The following PCDH12 variants were observed in gnomAD, a reference collection of about 807,000 sequenced individuals.
PCDH12 encodes the protein protocadherin-12.
In PCDH12, 45 loss-of-function variants were observed where a neutral mutation model predicts 70.9. That is an observed-to-expected ratio of 0.63 (90% confidence interval 0.50 to 0.81). PCDH12 has a LOEUF of 0.81. Among genes scored for constraint, PCDH12 ranks in the 40% least tolerant of loss-of-function variants. The pLI is 0.00. For missense variants in PCDH12, 1,370 were observed against 1,491.7 expected, an observed-to-expected ratio of 0.92 and a Z score of 1.34; for synonymous variants, 567 against 626.0, an observed-to-expected ratio of 0.91 and a Z score of 1.41.
In PCDH12 at chr5:141,951,519, C is replaced by T; in HGVS notation, c.2952G>A (p.Lys984=). ...FQPKPNHRGN[K]YLAKPGGSRS... is the part of the protein sequence containing the mutation. ...TGCTGCCTCCTGGCTTGGCCAAGTA[C>T]TTATTTCCTCGGTGGTTTGGTTTGG... Residue 984 remains lysine, a synonymous_variant, in exon 2 of 4, where the codon AAG becomes AAA. Coordinates refer to ENST00000231484, the MANE Select transcript of PCDH12 (RefSeq NM_016580.4). 1 of 1,614,178 alleles carries T rather than the reference C, an allele frequency of 6.2e-7. No individual in the cohort carries two copies. Among genetic ancestry groups the T allele is most frequent in the Non-Finnish European group, 8.5e-7 (1 of 1,180,036 alleles).
rs887426969 is a variant in PCDH12, at chr5:141,945,093, C to T, written c.*288G>A. On this transcript the variant is annotated 3_prime_UTR_variant, in exon 4 of 4. Coordinates refer to ENST00000231484, the MANE Select transcript of PCDH12 (RefSeq NM_016580.4). ...CCTGTGATACTCCGTGGCATCTGTTCTGCCAGAGGACTGACCCTTTGTGCT... is the reference window on the plus strand; with the variant it reads ...CCTGTGATACTCCGTGGCATCTGTTTTGCCAGAGGACTGACCCTTTGTGCT... The T allele has an allele frequency of 1.7e-5, 7 of 423,354 alleles. No individual in the cohort carries two copies. The highest frequency in any genetic ancestry group is 4.0e-5 in the African/African-American group (2 of 49,526). The allele number at this position is 423,354 out of a possible 1,614,324, so 26.2% of individuals were successfully genotyped here.
Position 141,945,700 on chromosome 5 carries a change from G to T in PCDH12, c.3236C>A (p.Ala1079Glu). ...GAAGGTCCTTGGCTCCTCCGTGGCT[G>T]CAGCATCCGGGGAGATCACATTGTC... ...YRDNVISPDA[A>E]ATEEPRTFQT... is the part of the protein sequence containing the mutation. The change falls in exon 4 of 4, where the codon GCA (alanine) becomes GAA (glutamate). Residue 1079 changes from alanine to glutamate, a missense_variant. Ala to Glu is a moderately radical substitution (Grantham distance 107). Transcript: ENST00000231484. 6.2e-7 allele frequency: 1 copy of T among 1,614,194 alleles called. No individual in the cohort carries two copies. The highest frequency in any genetic ancestry group is 8.5e-7 in the Non-Finnish European group (1 of 1,180,026).
rs1162605866 is a variant in PCDH12 at position 141,955,682 on chromosome 5, C to G, written c.2170G>C (p.Val724Leu). 6.2e-7 allele frequency: 1 copy of G among 1,614,044 alleles called. No individual in the cohort carries two copies. The highest frequency in any genetic ancestry group is 8.5e-7 in the Non-Finnish European group (1 of 1,180,036). ...MSMLTVICLAVLLGIFGLILA... is the reference protein window; with the variant it reads ...MSMLTVICLALLLGIFGLILA... ...ATCAACCCGAAGATGCCCAACAGTA[C>G]AGCCAGGCAGATCACCGTCAGCATC... The change falls in exon 1 of 4, where the codon GTA becomes CTA. Residue 724 changes from valine (V) to leucine (L), a missense_variant. Val to Leu is a conservative substitution (Grantham distance 32). Transcript: ENST00000231484. This position sits in a 1 kb window ranked among gnomAD's most constrained non-coding sequence, Gnocchi z 5.5.
At position 141,955,607 on chromosome 5, in the gene PCDH12, C is replaced by A. The variant is rs771978204; in HGVS notation, c.2245G>T (p.Ala749Ser). 1 of 1,614,138 alleles carries A rather than the reference C, an allele frequency of 6.2e-7. No homozygotes were observed. Among genetic ancestry groups the A allele is most frequent in the South Asian group, 1.1e-5 (1 of 91,086 alleles). Reference sequence around the variant, plus strand: ...GACTCGGCCTCCCGACAGTTGTAGGCCCTGTTGTCCTTCTTTTCTGTCCGG... The same window carrying A: ...GACTCGGCCTCCCGACAGTTGTAGGACCTGTTGTCCTTCTTTTCTGTCCGG... ...ICRTEKKDNR[A>S]YNCREAESTY... The change falls in exon 1 of 4, where the codon GCC becomes TCC. Residue 749 changes from alanine to serine, a missense_variant. Ala to Ser is a moderately conservative substitution (Grantham distance 99, BLOSUM62 1). Transcript: ENST00000231484. This position sits in a 1 kb window ranked among gnomAD's most constrained non-coding sequence, Gnocchi z 5.5.
At chr5:141,953,777 AG>A (rs1306293584) in intron 1 of PCDH12, among the ~76,000 whole-genome samples, 1 of 152,230 alleles carries the variant, frequency 6.6e-6, no homozygotes, top group Non-Finnish European at 1.5e-5. Context: ...CACCGATCCC[AG>A]GGCAAGATTC....
In PCDH12 at chr5:141,949,542, CCAGCCCTTGCA is replaced by C; in HGVS notation, c.3009_3019del (p.Ser1003ArgfsTer16). 2 of 1,614,192 alleles carry C rather than the reference CCAGCCCTTGCA, an allele frequency of 1.2e-6. No individual in the cohort carries two copies. The highest frequency in any genetic ancestry group is 3.3e-5 in the Admixed American group (2 of 60,022). ...CTCCTGTTCTGGGTCTGTCTGGCCTCCAGCCCTTGCACTTGGGCCATCTGTGTCTGGGATTG... is the reference window on the plus strand; with the variant it reads ...CTCCTGTTCTGGGTCTGTCTGGCCTCCTTGGGCCATCTGTGTCTGGGATTG... On this transcript the variant is annotated frameshift_variant, in exon 3 of 4. Transcript: ENST00000231484. LOFTEE classifies it high-confidence loss of function.
chr5:141,957,863 A>G lies in PCDH12; in HGVS notation c.-12T>C. The G allele has an allele frequency of 6.3e-7, 1 of 1,592,130 alleles. No individual in the cohort carries two copies. The highest frequency in any genetic ancestry group is 8.5e-7 in the Non-Finnish European group (1 of 1,175,304). ...AGAAGTTGCATCATGCTTACCGCCA[A>G]GTGGGCTAGATTCAGAAACCACTAG... is the stretch of plus-strand genomic sequence containing the variant. On this transcript the variant is annotated 5_prime_UTR_variant, in exon 1 of 4. Coordinates refer to ENST00000231484, the MANE Select transcript of PCDH12 (RefSeq NM_016580.4). This position sits in a 1 kb window ranked among gnomAD's most constrained non-coding sequence, Gnocchi z 4.3.
chr5:141,957,257 C>A lies in PCDH12; in HGVS notation c.595G>T (p.Val199Leu). The change falls in exon 1 of 4, where the codon GTG (valine) becomes TTG (leucine). Residue 199 changes from valine to leucine, a missense_variant. Transcript: ENST00000231484. The surrounding 1 kb of genome is among the most constrained non-coding windows in gnomAD (Gnocchi z 4.3). ...DETKHAELIV[V>L]KELDREIHSF... The stretch of plus-strand genomic sequence containing the variant: ...TGGATTTCCCTGTCCAGCTCCTTCA[C>A]CACTATGAGTTCTGCATGTTTGGTC... The A allele has an allele frequency of 6.2e-7, 1 of 1,614,088 alleles. No individual in the cohort carries two copies. Among genetic ancestry groups the A allele is most frequent in the Non-Finnish European group, 8.5e-7 (1 of 1,179,988 alleles).
Position 141,943,984 on chromosome 5 carries a change from G to C in PCDH12, c.*1397C>G, listed in dbSNP as rs1456097997. 1 of 152,240 alleles carries C rather than the reference G, an allele frequency of 6.6e-6. No homozygotes were observed. Among genetic ancestry groups the C allele is most frequent in the African/African-American group, 2.4e-5 (1 of 41,452 alleles). 9.4% of individuals were successfully genotyped at this position (152,240 alleles called of 1,614,324 possible). A position where few individuals can be genotyped will look rare whatever the true frequency, so the allele number is the denominator to read the frequency against. On this transcript the variant is annotated 3_prime_UTR_variant, in exon 4 of 4. Transcript: ENST00000231484. Reference sequence around the variant, plus strand: ...CTTGAACAGTGAACATGAGCACTGAGCTCCAAGAAAGGACAAAAAGAGGAG... The same window carrying C: ...CTTGAACAGTGAACATGAGCACTGACCTCCAAGAAAGGACAAAAAGAGGAG...
chr5:141,951,550 A>C lies in PCDH12; in HGVS notation c.2921T>G (p.Phe974Cys), dbSNP rs1221676649. The C allele has an allele frequency of 6.2e-7, 1 of 1,614,176 alleles. No individual in the cohort carries two copies. Among genetic ancestry groups the C allele is most frequent in the African/African-American group, 1.3e-5 (1 of 75,044 alleles). Reference sequence around the variant, plus strand: ...TCCTCGGTGGTTTGGTTTGGGCTGGAATTGGCCCTGATGCAGCAAGGACAG... The same window carrying C: ...TCCTCGGTGGTTTGGTTTGGGCTGGCATTGGCCCTGATGCAGCAAGGACAG... ...QLLSLLHQGQ[F>C]QPKPNHRGNK... is the part of the protein sequence containing the mutation. Residue 974 changes from phenylalanine to cysteine, a missense_variant, in exon 2 of 4, where the codon TTC (phenylalanine) becomes TGC (cysteine). Transcript: ENST00000231484.
At chr5:141,951,694 C>A in intron 1 of PCDH12, 104 bp from the exon 2 acceptor site, 1 of 842,260 alleles carries the variant, frequency 1.2e-6, no homozygotes, top group South Asian at 1.4e-5. Context: ...ATAGTCTTTC[C>A]TCTGGCTTCA....
In PCDH12 at chr5:141,955,283, T is replaced by C; in HGVS notation, c.2569A>G (p.Asn857Asp). ...NLLFNHPRQR[N>D]ASRENLNLPE... ...AGGTTCAGGTTCTCCCGGGAGGCAT[T>C]CCTCTGCCTGGGATGGTTGAAAAGG... Residue 857 changes from asparagine (N) to aspartate (D), a missense_variant, in exon 1 of 4, where the codon AAT becomes GAT. Asn to Asp is a conservative substitution (Grantham distance 23). Transcript: ENST00000231484. This position sits in a 1 kb window ranked among gnomAD's most constrained non-coding sequence, Gnocchi z 5.5. 1 of 1,614,160 alleles carries C rather than the reference T, an allele frequency of 6.2e-7. No individual in the cohort carries two copies. The highest frequency in any genetic ancestry group is 1.3e-5 in the African/African-American group (1 of 75,048).
intron 3 of PCDH12, among the ~76,000 whole-genome samples, chr5:141,947,697 A>G (rs974840000): frequency 1.3e-5 from 2 of 152,226 alleles, no homozygotes; most frequent in Admixed American, 6.5e-5. Context: ...CCAGGAAAAC[A>G]TTATCATGGT....
Position 141,956,050 on chromosome 5 carries a change from G to A in PCDH12, c.1802C>T (p.Ala601Val), listed in dbSNP as rs777187592. ...GGCCAGTGGAGGTGTGTCAGTGCCC[G>A]CTGGGCCCAAGCCATTGGGAGTCTC... Reference protein sequence around the residue: ...PIETPNGLGPAGTDTPPLATH... With the variant: ...PIETPNGLGPVGTDTPPLATH... Residue 601 changes from alanine to valine, a missense_variant, in exon 1 of 4, where the codon GCG becomes GTG. Ala to Val is a moderately conservative substitution (Grantham distance 64, BLOSUM62 0). Coordinates refer to ENST00000231484, the MANE Select transcript of PCDH12 (RefSeq NM_016580.4). The A allele has an allele frequency of 3.7e-6, 6 of 1,614,094 alleles. No homozygotes were observed. Among genetic ancestry groups the A allele is most frequent in the Admixed American group, 1.7e-5 (1 of 60,026 alleles).
rs1436304644 is a variant in PCDH12 at position 141,956,949 on chromosome 5, T to C, written c.903A>G (p.Thr301=). The change falls in exon 1 of 4, where the codon ACA becomes ACG. Residue 301 remains threonine (T), a synonymous_variant. Coordinates refer to ENST00000231484, the MANE Select transcript of PCDH12 (RefSeq NM_016580.4). ...VLDTFSIDAK[T]GQVILRRPLD... ...GAGGTCGACGCAGAATGACCTGGCC[T>C]GTCTTGGCATCAATACTGAAGGTGT... 1.2e-6 allele frequency: 2 copies of C among 1,614,162 alleles called. 1 individual carries two copies.
In PCDH12 at chr5:141,956,402, C is replaced by T. The variant is rs1255206551; in HGVS notation, c.1450G>A (p.Ala484Thr). The change falls in exon 1 of 4, where the codon GCT (alanine) becomes ACT (threonine). Residue 484 changes from alanine (A) to threonine (T), a missense_variant. Physicochemically the swap from Ala to Thr is moderately conservative, Grantham distance 58. Coordinates refer to ENST00000231484, the MANE Select transcript of PCDH12 (RefSeq NM_016580.4). ...LPSLHLITIKAHDADLGINGK... is the reference protein window; with the variant it reads ...LPSLHLITIKTHDADLGINGK... ...TTAATGCCCAAGTCTGCATCATGAGCCTTGATGGTAATGAGGTGAAGAGAG... is the reference window on the plus strand; with the variant it reads ...TTAATGCCCAAGTCTGCATCATGAGTCTTGATGGTAATGAGGTGAAGAGAG... 2 of 1,614,092 alleles carry T rather than the reference C, an allele frequency of 1.2e-6. No homozygotes were observed. Among genetic ancestry groups the T allele is most frequent in the Non-Finnish European group, 1.7e-6 (2 of 1,180,044 alleles).
rs561863064 is a variant in PCDH12, at chr5:141,945,812, G to A, written c.3131-7C>T. The A allele has an allele frequency of 6.2e-7, 1 of 1,607,230 alleles. No homozygotes were observed. On this transcript the variant is annotated splice_region_variant and splice_polypyrimidine_tract_variant and intron_variant, in intron 3 of 3. Coordinates refer to ENST00000231484, the MANE Select transcript of PCDH12 (RefSeq NM_016580.4). ...AGCCGGTCCAGGGCCAGACCTGTGG[G>A]GGAAGGAGGGGACACAGTGAGGGCC...
At chr5:141,949,033 T>A in intron 3 of PCDH12, among the ~76,000 whole-genome samples, 1 of 136,758 alleles carries the variant, frequency 7.3e-6, no homozygotes, top group African/African-American at 2.8e-5. Context: ...GGGCAACAGG[T>A]GAATCCCTGT....
At position 141,957,719 on chromosome 5, in the gene PCDH12, C is replaced by T. The variant is rs779944648; in HGVS notation, c.133G>A (p.Val45Met). 18 of 1,614,140 alleles carry T rather than the reference C, an allele frequency of 1.1e-5. No individual in the cohort carries two copies. Among genetic ancestry groups the T allele is most frequent in the South Asian group, 3.3e-5 (3 of 91,092 alleles). The change falls in exon 1 of 4, where the codon GTG becomes ATG. Residue 45 changes from valine to methionine, a missense_variant. Transcript: ENST00000231484. The surrounding 1 kb of genome is among the most constrained non-coding windows in gnomAD (Gnocchi z 4.3). ...QVSEEVPSGTVIGKLSQELGR... is the reference protein window; with the variant it reads ...QVSEEVPSGTMIGKLSQELGR... ...AGTTCCTGGGACAGCTTCCCGATCA[C>T]TGTACCAGATGGCACTTCCTCTGAC...
Sources: allele counts gnomAD v4.1 joint callset (sites outside exome capture counted in the v4.1 genomes callset), GRCh38; gene constraint gnomAD v4.1.1; non-coding constraint Gnocchi (gnomAD v3.1); transcripts MANE v1.5; gene names NCBI Gene and HGNC (gene_info 2026-07-23, HGNC 2026-07-21).